Variants in NEBL observed in about 807,000 individuals in gnomAD.
The protein encoded by NEBL is LIM and SH3 protein 2.
NEBL carries 122 observed loss-of-function variants against 140.2 expected under a neutral mutation model. The ratio of observed to expected loss-of-function variants is 0.87; its 90% CI spans 0.75 to 1.01. The LOEUF (loss-of-function observed/expected upper bound fraction) is 1.01. Ranked by LOEUF, NEBL falls within the 50% of genes least tolerant of loss-of-function variation. The pLI is 0.00. For missense variants in NEBL, 1,365 were observed against 1,231.3 expected (o/e 1.11, Z -1.62); for synonymous variants, 436 against 398.9 (o/e 1.09, Z -1.11).
intron 2 of NEBL, among the ~76,000 whole-genome samples, chr10:21,050,301 A>C (rs923564895): frequency 2.0e-5 from 3 of 152,088 alleles, no homozygotes; most frequent in Non-Finnish European, 4.4e-5. Context: ...CCTTTTCTCA[A>C]TTCGGTAATC....
At chr10:20,816,954 C>T (rs1007044452) in intron 21 of NEBL, among the ~76,000 whole-genome samples, 1 of 152,120 alleles carries the variant, frequency 6.6e-6, no homozygotes, top group Non-Finnish European at 1.5e-5. Context: ...AACAGGAACA[C>T]ATGCTGGTAG....
intron 26 of NEBL, among the ~76,000 whole-genome samples, chr10:20,799,174 G>A (rs983805385): frequency 6.6e-6 from 1 of 151,736 alleles, no homozygotes; most frequent in African/African-American, 2.4e-5. Flanking sequence ...TTTTATTTTT[G>A]AGGCAGAGTC....
intron 3 of NEBL, among the ~76,000 whole-genome samples, chr10:21,004,918 C>T (rs1381318241): frequency 2.0e-5 from 3 of 152,132 alleles, no homozygotes; most frequent in Admixed American, 2.0e-4. Flanking sequence ...TCCTCTAAAA[C>T]CCTTTCAGTA....
Position 20,845,260 on chromosome 10 carries a change from C to G in NEBL, c.1225G>C (p.Glu409Gln), listed in dbSNP as rs767565380. The change falls in exon 12 of 28, where the codon GAG (glutamate) becomes CAG (glutamine). Residue 409 changes from glutamate to glutamine, a missense_variant and splice_region_variant. Physicochemically the swap from Glu to Gln is conservative, Grantham distance 29. Coordinates refer to ENST00000377122, the MANE Select transcript of NEBL (RefSeq NM_006393.3). ...HVKYITNLLREKEYKKDLENE... is the reference protein window; with the variant it reads ...HVKYITNLLRQKEYKKDLENE... The stretch of plus-strand genomic sequence containing the variant: ...AATAATAAACACCAAGATCGTACCT[C>G]CCTCAGAAGGTTGGTGATGTACTTT... 6.5e-7 allele frequency: 1 copy of G among 1,540,916 alleles called. No homozygotes were observed. The highest frequency in any genetic ancestry group is 2.3e-5 in the East Asian group (1 of 44,400).
rs529644839 is a variant in NEBL, at chr10:20,808,908, C to T, written c.2612-249G>A. ...GGACGGGTAAGGGATAGGAAATTGA[C>T]AAGGACAAAGAAAACATTGGTAAAT... On this transcript the variant is annotated intron_variant, in intron 25 of 27. Transcript: ENST00000377122. Among the ~76,000 whole-genome samples the T allele has an allele frequency of 1.6e-4, 25 of 152,210 alleles. No homozygotes were observed. The South Asian group carries it at 2.1e-3, about 13-fold the overall frequency.
chr10:21,241,494 A>G (rs1003504893), intron 3 of NEBL, among the ~76,000 whole-genome samples: 2 of 152,162 alleles, frequency 1.3e-5, no homozygotes, highest in African/African-American at 2.4e-5. Context: ...AATGAAGTCA[A>G]CTCAGCAGTA....
intron 4 of NEBL, among the ~76,000 whole-genome samples, chr10:20,917,264 G>T (rs1833349328): frequency 6.6e-6 from 1 of 152,116 alleles, no homozygotes; most frequent in African/African-American, 2.4e-5. Context: ...GCAAAACACT[G>T]TCCTCTAACA....
intron 19 of NEBL, among the ~76,000 whole-genome samples, 198 bp from the exon 20 acceptor site, chr10:20,819,714 T>TTTGTTG (rs143964236): frequency 1.3e-5 from 2 of 151,896 alleles, no homozygotes; most frequent in African/African-American, 4.8e-5. Flanking sequence ...GTCAAGTGGT[T>TTTGTTG]TTGTTGTTGT....
chr10:21,016,696 A>T (rs1838569978), intron 3 of NEBL, among the ~76,000 whole-genome samples: 1 of 152,238 alleles, frequency 6.6e-6, no homozygotes, highest in Non-Finnish European at 1.5e-5. Flanking sequence ...ACAAGCCTAT[A>T]AAATATTAAT....
At chr10:20,885,666 C>T (rs1846450518) in intron 4 of NEBL, among the ~76,000 whole-genome samples, 1 of 152,190 alleles carries the variant, frequency 6.6e-6, no homozygotes, top group Non-Finnish European at 1.5e-5. Flanking sequence ...AGGATGGAAA[C>T]ATCGGAAAAG....
chr10:21,141,451 T>G (rs1048877570), intron 2 of NEBL, among the ~76,000 whole-genome samples: 1 of 152,180 alleles, frequency 6.6e-6, no homozygotes, highest in East Asian at 1.9e-4. Context: ...ATATGACCAT[T>G]TGGAGAATTT....
chr10:21,166,064 C>CA (rs58275699), intron 2 of NEBL, among the ~76,000 whole-genome samples: 37,937 of 150,586 alleles, frequency 0.25, 5,970 homozygotes, highest in African/African-American at 0.44. Flanking sequence ...ACTAAAAATA[C>CA]AAAAAATTAG....
chr10:21,090,004 C>G (rs935566474), intron 2 of NEBL, among the ~76,000 whole-genome samples: 6 of 152,128 alleles, frequency 3.9e-5, no homozygotes, highest in Admixed American at 3.9e-4. Context: ...GTTTGTATTT[C>G]CAGCCCAGAT....
rs1284036518 is a variant in NEBL at position 21,029,654 on chromosome 10, G to T, written c.165-9453C>A. ...TACCCGCCTAGAAGGGGTGATGATA[G>T]GTTTGGAGACAAGTATCGAGATCGT... is the stretch of plus-strand genomic sequence containing the variant. On this transcript the variant is annotated intron_variant, in intron 2 of 6. Transcript: ENST00000417816. 3 of 1,279,398 alleles carry T rather than the reference G, an allele frequency of 2.3e-6. No individual in the cohort carries two copies. The African/African-American group carries it at 4.4e-5, about 19-fold the overall frequency. The allele number at this position is 1,279,398 out of a possible 1,614,324, so 79.3% of individuals were successfully genotyped here. A position where few individuals can be genotyped will look rare whatever the true frequency, so the allele number is the denominator to read the frequency against.
intron 2 of NEBL, among the ~76,000 whole-genome samples, chr10:21,114,348 G>T (rs1838182199): frequency 6.6e-6 from 1 of 152,012 alleles, no homozygotes; most frequent in Non-Finnish European, 1.5e-5. Context: ...CCAAAATATG[G>T]TCTATCTTGG....
intron 2 of NEBL, among the ~76,000 whole-genome samples, chr10:21,149,572 T>C (rs1408497733): frequency 6.6e-6 from 1 of 152,246 alleles, no homozygotes; most frequent in African/African-American, 2.4e-5. Context: ...ATTATAGGCA[T>C]GAGCCATCGC....
rs1588665257 is a variant in NEBL, at chr10:20,813,021, A to C, written c.2347-81T>G. 3.4e-6 allele frequency: 4 copies of C among 1,176,918 alleles called. No homozygotes were observed. In the Admixed American group the frequency reaches 7.3e-5, roughly 21 times the overall value. 72.9% of individuals were successfully genotyped at this position (1,176,918 alleles called of 1,614,324 possible). ...CATTTTTATTAAATGACAGGTGTAC[A>C]CTGCACTGGCTGCGTGCAGATTGTC... is the stretch of plus-strand genomic sequence containing the variant. On this transcript the variant is annotated intron_variant, in intron 23 of 27. Transcript: ENST00000377122.
chr10:21,108,406 C>T (rs564751810), intron 2 of NEBL, among the ~76,000 whole-genome samples: 1 of 152,200 alleles, frequency 6.6e-6, no homozygotes, highest in South Asian at 2.1e-4. Context: ...TTTCTGCCTT[C>T]GTTTCATTAT....
At chr10:20,985,818 G>T (rs2131674532) in intron 3 of NEBL, among the ~76,000 whole-genome samples, 1 of 152,166 alleles carries the variant, frequency 6.6e-6, no homozygotes, top group African/African-American at 2.4e-5. Flanking sequence ...AAACCAGTGT[G>T]CATCTCTATA....
Sources: gnomAD v4.1 joint callset for allele counts (sites outside exome capture counted in the v4.1 genomes callset) on GRCh38, gnomAD v4.1.1 for gene constraint, MANE v1.5 for transcripts, NCBI Gene and HGNC (gene_info 2026-07-23, HGNC 2026-07-21) for gene names.